The following GALM variants were observed in gnomAD, a reference collection of about 807,000 sequenced individuals.
GALM encodes the protein galactose mutarotase, also known as aldose 1-epimerase.
In GALM, 43 loss-of-function variants were observed where a neutral mutation model predicts 37.4. The ratio of observed to expected loss-of-function variants is 1.15; its 90% CI spans 0.90 to 1.48. GALM has a LOEUF of 1.48. Among genes scored for constraint, GALM ranks in the 40% most tolerant of loss-of-function variants. The pLI, the probability that GALM is intolerant of heterozygous loss-of-function variation, is 0.00. For missense variants in GALM, 456 were observed against 419.1 expected, an observed-to-expected ratio of 1.09 and a Z score of -0.77; for synonymous variants, 199 against 170.6, an observed-to-expected ratio of 1.17 and a Z score of -1.30.
intron 4 of GALM, among the ~76,000 whole-genome samples, chr2:38,704,873 G>A (rs369164355): frequency 1.3e-5 from 2 of 151,944 alleles, no homozygotes; most frequent in East Asian, 1.9e-4. Context: ...TCTTTAAGAC[G>A]GCACATTACT....
At chr2:38,724,954 C>T (rs868705882) in intron 4 of GALM, among the ~76,000 whole-genome samples, 1 of 152,132 alleles carries the variant, frequency 6.6e-6, no homozygotes, top group Non-Finnish European at 1.5e-5. Context: ...TCTGTCTTTC[C>T]TTCACAAAAA....
Position 38,676,076 on chromosome 2 carries a change from G to A in GALM, c.345+10G>A. 1 of 1,613,578 alleles carries A rather than the reference G, an allele frequency of 6.2e-7. No individual in the cohort carries two copies. Among genetic ancestry groups the A allele is most frequent in the Middle Eastern group, 1.7e-4 (1 of 6,058 alleles). Reference sequence around the variant, plus strand: ...CAGAGGGTTTGATAAAGTAAGTACGGCACATGTGACTGAGTTCCCTTTAGG... The same window carrying A: ...CAGAGGGTTTGATAAAGTAAGTACGACACATGTGACTGAGTTCCCTTTAGG... On this transcript the variant is annotated intron_variant, in intron 2 of 6. Coordinates refer to ENST00000272252, the MANE Select transcript of GALM (RefSeq NM_138801.3).
At chr2:38,695,108 G>C (rs1665775932) in intron 4 of GALM, among the ~76,000 whole-genome samples, 1 of 151,860 alleles carries the variant, frequency 6.6e-6, no homozygotes, top group Non-Finnish European at 1.5e-5. Flanking sequence ...GAAAATGATA[G>C]AAAAATCACC....
chr2:38,728,405 C>A (rs200412595), intron 4 of GALM, among the ~76,000 whole-genome samples: 6 of 128,192 alleles, frequency 4.7e-5, no homozygotes, highest in East Asian at 5.2e-4. Context: ...AAAAAAAAAA[C>A]TTTTTTTTTG....
At chr2:38,686,712 A>G (rs1665547746) in intron 3 of GALM, among the ~76,000 whole-genome samples, 2 of 152,214 alleles carry the variant, frequency 1.3e-5, no homozygotes, top group Admixed American at 6.5e-5. Flanking sequence ...TATAACATGG[A>G]TGATCCCAGT....
chr2:38,685,528 A>C (rs1665497838), intron 3 of GALM, among the ~76,000 whole-genome samples: 1 of 152,150 alleles, frequency 6.6e-6, no homozygotes, highest in Non-Finnish European at 1.5e-5. Flanking sequence ...CAGCCAAGCA[A>C]AGTTAACCAA....
At chr2:38,706,183 T>C (rs183602362) in intron 4 of GALM, among the ~76,000 whole-genome samples, 32 of 151,686 alleles carry the variant, frequency 2.1e-4, no homozygotes, top group African/African-American at 7.7e-4. Context: ...TTTTGTATTT[T>C]TAGGAGAGAC....
At position 38,695,996 on chromosome 2, in the gene GALM, G is replaced by C. The variant is rs111345424; in HGVS notation, c.634+6102G>C. On this transcript the variant is annotated intron_variant, in intron 4 of 6. Coordinates refer to ENST00000272252, the MANE Select transcript of GALM (RefSeq NM_138801.3). Reference sequence around the variant, plus strand: ...TTACAGGTGTGAGCCACCACACCCCGCCTGCGTGTTTGTTTTTTAAATCTC... The same window carrying C: ...TTACAGGTGTGAGCCACCACACCCCCCCTGCGTGTTTGTTTTTTAAATCTC... Among the ~76,000 whole-genome samples, 32 of 151,982 alleles carry C rather than the reference G, an allele frequency of 2.1e-4. 1 individual carries two copies. The South Asian group carries it at 6.2e-3, about 30-fold the overall frequency.
At chr2:38,721,392 C>G (rs1372758076) in intron 4 of GALM, among the ~76,000 whole-genome samples, 1 of 152,152 alleles carries the variant, frequency 6.6e-6, no homozygotes, top group Non-Finnish European at 1.5e-5. Flanking sequence ...CCCTCATGAA[C>G]TCTCTTTGTT....
intron 4 of GALM, among the ~76,000 whole-genome samples, chr2:38,719,932 C>T (rs1326645644): frequency 6.6e-6 from 1 of 151,710 alleles, no homozygotes; most frequent in Non-Finnish European, 1.5e-5. Context: ...ATTGTTTTGG[C>T]CAGGCGCGTT....
At chr2:38,719,774 C>CAAAA (rs34403810) in intron 4 of GALM, among the ~76,000 whole-genome samples, 4 of 118,514 alleles carry the variant, frequency 3.4e-5, no homozygotes, top group African/African-American at 6.7e-5. Flanking sequence ...AATTCTGTCT[C>CAAAA]AAAAAAAAAA....
At chr2:38,689,963 T>A in intron 4 of GALM, 69 bp downstream of exon 4, 2 of 823,482 alleles carry the variant, frequency 2.4e-6, no homozygotes, top group Non-Finnish European at 4.0e-6. Flanking sequence ...GAAAGGACAT[T>A]AGTGGAGAAA....
intron 4 of GALM, among the ~76,000 whole-genome samples, chr2:38,728,749 A>T (rs1452325269): frequency 6.6e-6 from 1 of 152,160 alleles, no homozygotes; most frequent in East Asian, 1.9e-4. Flanking sequence ...CCTCTGAAAC[A>T]GAGCCCTTTT....
intron 2 of GALM, among the ~76,000 whole-genome samples, chr2:38,676,301 AG>A (rs1349792721): frequency 6.6e-6 from 1 of 152,202 alleles, no homozygotes; most frequent in Non-Finnish European, 1.5e-5. Flanking sequence ...CCTTTGACTT[AG>A]GAAAAATGAG....
intron 4 of GALM, among the ~76,000 whole-genome samples, chr2:38,704,007 C>T (rs530185742): frequency 1.0e-4 from 15 of 150,582 alleles, no homozygotes; most frequent in African/African-American, 1.5e-4. Context: ...CAGGGAGAAA[C>T]GCTGTCTCAA....
In GALM at chr2:38,734,506, C is replaced by A. The variant is rs1350252341; in HGVS notation, c.*941C>A. ...AACTGAGAAAGCACAGCCCGGCCAA[C>A]GCTTGGGAAGAAAGACAGGCAAGCA... is the stretch of plus-strand genomic sequence containing the variant. On this transcript the variant is annotated 3_prime_UTR_variant, in exon 7 of 7. Transcript: ENST00000272252. 3 of 150,972 alleles carry A rather than the reference C, an allele frequency of 2.0e-5. No individual in the cohort carries two copies. Among genetic ancestry groups the A allele is most frequent in the Non-Finnish European group, 4.4e-5 (3 of 68,080 alleles). 9.4% of individuals were successfully genotyped at this position (150,972 alleles called of 1,614,324 possible).
chr2:38,671,687 T>C (rs375569526), intron 1 of GALM, among the ~76,000 whole-genome samples: 2 of 152,310 alleles, frequency 1.3e-5, no homozygotes, highest in South Asian at 4.1e-4. Context: ...TCTGCTGTGC[T>C]TAAATTCTTA....
intron 2 of GALM, among the ~76,000 whole-genome samples, chr2:38,679,758 G>A (rs567876970): frequency 4.6e-5 from 7 of 152,202 alleles, no homozygotes; most frequent in African/African-American, 1.2e-4. Flanking sequence ...TGGGGCAAGC[G>A]GTTTATCCTC....
chr2:38,731,227 AAAAC>A (rs1214716251), intron 5 of GALM, among the ~76,000 whole-genome samples: 1 of 151,918 alleles, frequency 6.6e-6, no homozygotes, highest in Non-Finnish European at 1.5e-5. Context: ...ACTCCATCTC[AAAAC>A]AAACAAACAA....
Sources: gnomAD v4.1 joint callset for allele counts (sites outside exome capture counted in the v4.1 genomes callset) on GRCh38, gnomAD v4.1.1 for gene constraint, MANE v1.5 for transcripts, NCBI Gene and HGNC (gene_info 2026-07-23, HGNC 2026-07-21) for gene names.